GFOD1: variants seen among roughly 807,000 people sequenced by gnomAD.
The protein encoded by GFOD1 is glucose-fructose oxidoreductase domain-containing protein 1.
In GFOD1, 9 loss-of-function variants were observed where a neutral mutation model predicts 25.4. That is an observed-to-expected ratio of 0.35 (90% confidence interval 0.21 to 0.62). The LOEUF (loss-of-function observed/expected upper bound fraction) is 0.62. Ranked by LOEUF, GFOD1 falls within the 20% of genes least tolerant of loss-of-function variation. The pLI, the probability that GFOD1 is intolerant of heterozygous loss-of-function variation, is 0.72. For missense variants in GFOD1, 403 were observed against 556.9 expected (o/e 0.72, Z 2.78); for synonymous variants, 253 against 245.6 (o/e 1.03, Z -0.28).
intron 1 of GFOD1, among the ~76,000 whole-genome samples, chr6:13,368,468 G>T (rs1380144712): frequency 6.6e-6 from 1 of 152,146 alleles, no homozygotes; most frequent in African/African-American, 2.4e-5. Context: ...TAGGCATAAG[G>T]CTCATCTAAC....
chr6:13,483,788 T>C (rs1584679389), intron 1 of GFOD1, among the ~76,000 whole-genome samples: 1 of 151,788 alleles, frequency 6.6e-6, no homozygotes. Flanking sequence ...CCGGGGGAGG[T>C]AGAGTGCTGG....
In GFOD1 at chr6:13,365,767, A is replaced by AGATGTGGTG. The variant is rs1458544221; in HGVS notation, c.254-114_254-106dup. Reference sequence around the variant, plus strand: ...TTCACATTAATAGAAAAAGAAGGTCAGATGTGGTGGCTCATGCCTGTTGTC... The same window carrying AGATGTGGTG: ...TTCACATTAATAGAAAAAGAAGGTCAGATGTGGTGGATGTGGTGGCTCATGCCTGTTGTC... On this transcript the variant is annotated intron_variant, in intron 1 of 1. Coordinates refer to ENST00000379287, the MANE Select transcript of GFOD1 (RefSeq NM_018988.4). This position sits in a 1 kb window ranked among gnomAD's most constrained non-coding sequence, Gnocchi z 9.2. The AGATGTGGTG allele has an allele frequency of 2.2e-5, 20 of 908,408 alleles. No individual in the cohort carries two copies. In the South Asian group the frequency reaches 2.5e-4, roughly 11 times the overall value. The allele number at this position is 908,408 out of a possible 1,614,324, so 56.3% of individuals were successfully genotyped here.
chr6:13,425,774 G>A lies in GFOD1; in HGVS notation c.254-60112C>T, dbSNP rs113112467. Among the ~76,000 whole-genome samples, 5 of 152,098 alleles carry A rather than the reference G, an allele frequency of 3.3e-5. 1 individual carries two copies. Among genetic ancestry groups the A allele is most frequent in the African/African-American group, 1.2e-4 (5 of 41,474 alleles). On this transcript the variant is annotated intron_variant, in intron 1 of 1. Transcript: ENST00000379287. ...AGGTTCAGGAAAAGGGTCTAGGCCA[G>A]GGGTGTCCAATCTTTTGGCTTCCCT...
At chr6:13,437,117 G>A (rs937430490) in intron 1 of GFOD1, among the ~76,000 whole-genome samples, 5 of 152,126 alleles carry the variant, frequency 3.3e-5, no homozygotes, top group African/African-American at 1.2e-4. Context: ...AAATGAGGTG[G>A]GTCTTGGTGA....
intron 1 of GFOD1, among the ~76,000 whole-genome samples, chr6:13,413,611 T>G (rs1786115675): frequency 6.6e-6 from 1 of 152,098 alleles, no homozygotes; most frequent in African/African-American, 2.4e-5. Context: ...AAAGAATGTA[T>G]GAGCATTCCC....
intron 1 of GFOD1, among the ~76,000 whole-genome samples, chr6:13,482,065 T>C (rs936689114): frequency 6.6e-6 from 1 of 150,400 alleles, no homozygotes; most frequent in Non-Finnish European, 1.5e-5. Context: ...TTCATATATT[T>C]GTGTATATGT....
intron 1 of GFOD1, among the ~76,000 whole-genome samples, chr6:13,467,122 AG>A (rs1247174949): frequency 6.6e-6 from 1 of 150,570 alleles, no homozygotes; most frequent in Non-Finnish European, 1.5e-5. Flanking sequence ...AAAAAAAAAA[AG>A]AAGCAATAGC....
chr6:13,402,601 G>A (rs368519920), intron 1 of GFOD1, among the ~76,000 whole-genome samples: 216 of 151,840 alleles, frequency 1.4e-3, no homozygotes, highest in African/African-American at 5.0e-3. Flanking sequence ...AGTCTTTAGG[G>A]AAATGCAAAT....
intron 1 of GFOD1, among the ~76,000 whole-genome samples, chr6:13,425,609 TTCAA>T (rs1211332789): frequency 3.9e-5 from 6 of 152,180 alleles, no homozygotes; most frequent in Non-Finnish European, 2.9e-5. Context: ...ATCTGAAAGC[TTCAA>T]GATCTTCATC....
chr6:13,382,785 T>C (rs1209988765), intron 1 of GFOD1, among the ~76,000 whole-genome samples: 2 of 152,228 alleles, frequency 1.3e-5, no homozygotes, highest in East Asian at 3.8e-4. Context: ...AAGCCCAGCA[T>C]GCATTAGCTA....
intron 1 of GFOD1, among the ~76,000 whole-genome samples, chr6:13,447,735 C>T (rs1416667275): frequency 9.8e-5 from 7 of 71,730 alleles, no homozygotes; most frequent in Non-Finnish European, 1.7e-4. Context: ...AGCGAGACTC[C>T]TTCTCAAAAA....
At chr6:13,382,527 C>T (rs1785388572) in intron 1 of GFOD1, among the ~76,000 whole-genome samples, 1 of 152,152 alleles carries the variant, frequency 6.6e-6, no homozygotes, top group African/African-American at 2.4e-5. Flanking sequence ...ACATGTGATA[C>T]TGTAAGTCAA....
At chr6:13,467,124 A>G (rs748607236) in intron 1 of GFOD1, among the ~76,000 whole-genome samples, 5 of 150,510 alleles carry the variant, frequency 3.3e-5, no homozygotes, top group Non-Finnish European at 5.9e-5. Flanking sequence ...AAAAAAAAAG[A>G]AGCAATAGCA....
chr6:13,485,470 T>C (rs1476105870), intron 1 of GFOD1, among the ~76,000 whole-genome samples: 1 of 152,244 alleles, frequency 6.6e-6, no homozygotes, highest in Non-Finnish European at 1.5e-5. Context: ...GTTCTTGTTA[T>C]AAGCTTTGTG....
At chr6:13,420,438 A>G (rs541797643) in intron 1 of GFOD1, among the ~76,000 whole-genome samples, 2 of 152,208 alleles carry the variant, frequency 1.3e-5, no homozygotes, top group African/African-American at 4.8e-5. Context: ...CATCCCACCC[A>G]CTTCCTAGAT....
At chr6:13,447,084 G>C (rs1758015336) in intron 1 of GFOD1, among the ~76,000 whole-genome samples, 1 of 152,214 alleles carries the variant, frequency 6.6e-6, no homozygotes, top group Non-Finnish European at 1.5e-5. Flanking sequence ...GTGTCAGAAG[G>C]CTTATTAGTG....
Position 13,392,975 on chromosome 6 carries a change from T to C in GFOD1, c.254-27313A>G, listed in dbSNP as rs143586376. ...CACTTGGGGGGCTGAGGCAGGAGGATTGCTTGAGCCCAGGACTTCAAGGTT... is the reference window on the plus strand; with the variant it reads ...CACTTGGGGGGCTGAGGCAGGAGGACTGCTTGAGCCCAGGACTTCAAGGTT... On this transcript the variant is annotated intron_variant, in intron 1 of 1. Coordinates refer to ENST00000379287, the MANE Select transcript of GFOD1 (RefSeq NM_018988.4). Among the ~76,000 whole-genome samples the C allele has an allele frequency of 8.4e-3, 1,275 of 151,988 alleles. 16 individuals carry two copies. The highest frequency in any genetic ancestry group is 0.028 in the African/African-American group (1,177 of 41,472).
chr6:13,464,348 C>G (rs986825633), intron 1 of GFOD1, among the ~76,000 whole-genome samples: 1 of 152,236 alleles, frequency 6.6e-6, no homozygotes, highest in Non-Finnish European at 1.5e-5. Flanking sequence ...AGCCAGCATC[C>G]ATGCTACGGG....
chr6:13,365,884 T>TAAC lies in GFOD1; in HGVS notation c.254-223_254-222insGTT, dbSNP rs1333200752. Among the ~76,000 whole-genome samples the TAAC allele has an allele frequency of 1.4e-5, 1 of 69,404 alleles. No individual in the cohort carries two copies. The highest frequency in any genetic ancestry group is 3.2e-5 in the African/African-American group (1 of 31,020). The allele number at this position is 69,404 out of a possible 152,430, so 45.5% of individuals were successfully genotyped here. ...ACACAGAGAGATCCTGTCTCAATAATAATAATAATAATAATAATAATAATA... is the reference window on the plus strand; with the variant it reads ...ACACAGAGAGATCCTGTCTCAATAATAACAATAATAATAATAATAATAATAATA... On this transcript the variant is annotated intron_variant, in intron 1 of 1. Coordinates refer to ENST00000379287, the MANE Select transcript of GFOD1 (RefSeq NM_018988.4). The surrounding 1 kb of genome is among the most constrained non-coding windows in gnomAD (Gnocchi z 9.2).
Sources: allele counts gnomAD v4.1 joint callset (sites outside exome capture counted in the v4.1 genomes callset), GRCh38; gene constraint gnomAD v4.1.1; non-coding constraint Gnocchi (gnomAD v3.1); transcripts MANE v1.5; gene names NCBI Gene and HGNC (gene_info 2026-07-23, HGNC 2026-07-21).